Variants in ADARB2 observed in about 807,000 individuals in gnomAD.
ADARB2 encodes the protein adenosine deaminase RNA specific B2 (inactive).
ADARB2 carries 25 observed loss-of-function variants against 62.2 expected under a neutral mutation model. The observed-to-expected ratio is 0.40, with a 90% CI of 0.29 to 0.56. ADARB2 has a LOEUF of 0.56. Among genes scored for constraint, ADARB2 ranks in the 20% least tolerant of loss-of-function variants. The pLI is 0.43. For synonymous variants in ADARB2, 572 were observed against 500.8 expected, an observed-to-expected ratio of 1.14 and a Z score of -1.90; for missense variants, 1,071 against 1,077.4, an observed-to-expected ratio of 0.99 and a Z score of 0.08.
At chr10:1,556,478 C>T (rs1187174015) in intron 1 of ADARB2, 1 of 359,536 alleles carries the variant, frequency 2.8e-6, no homozygotes, top group African/African-American at 2.1e-5. Flanking sequence ...ATATTCCCTT[C>T]CCTCTTACTC....
chr10:1,552,645 G>T (rs550261781), intron 1 of ADARB2, among the ~76,000 whole-genome samples: 1 of 151,630 alleles, frequency 6.6e-6, no homozygotes, highest in South Asian at 2.1e-4. Flanking sequence ...CCGGCACTCA[G>T]CGAGGGGCTG....
In ADARB2 at chr10:1,729,667, G is replaced by A. The variant is rs769398757; in HGVS notation, c.100+7384C>T. Among the ~76,000 whole-genome samples the A allele has an allele frequency of 2.0e-5, 3 of 152,130 alleles. 1 individual carries two copies. The highest frequency in any genetic ancestry group is 1.5e-5 in the Non-Finnish European group (1 of 68,034). On this transcript the variant is annotated intron_variant, in intron 1 of 9. Transcript: ENST00000381312. ...TGTTTAATCATTATCAGCGCCCTAG[G>A]TATATGCTTTGAGCTCTCCTGCTAT...
chr10:1,459,752 A>C (rs2820637), intron 1 of ADARB2, among the ~76,000 whole-genome samples: 147,075 of 152,198 alleles, frequency 0.97, 71,250 homozygotes, highest in Non-Finnish European at 1. Context: ...CAAGATTGAA[A>C]CTCTGTCTCA....
At chr10:1,298,720 ATTTTTTT>A (rs75978268) in intron 3 of ADARB2, among the ~76,000 whole-genome samples, 2 of 110,764 alleles carry the variant, frequency 1.8e-5, no homozygotes, top group Non-Finnish European at 3.5e-5. Context: ...TGCGACGGGA[ATTTTTTT>A]TTTTTTTTTT....
intron 1 of ADARB2, among the ~76,000 whole-genome samples, chr10:1,664,584 C>T (rs570560718): frequency 6.6e-5 from 10 of 152,250 alleles, no homozygotes; most frequent in South Asian, 2.1e-4. Flanking sequence ...CTGTTTACGG[C>T]GAGCAGGCTG....
At chr10:1,344,676 G>A (rs1338982801) in intron 3 of ADARB2, among the ~76,000 whole-genome samples, 1 of 152,204 alleles carries the variant, frequency 6.6e-6, no homozygotes, top group Non-Finnish European at 1.5e-5. Context: ...TCAGCAACTG[G>A]TGCTAGGAGG....
At chr10:1,633,112 C>T (rs1363022569) in intron 1 of ADARB2, among the ~76,000 whole-genome samples, 1 of 151,726 alleles carries the variant, frequency 6.6e-6, no homozygotes, top group Non-Finnish European at 1.5e-5. Flanking sequence ...CCTGCTTCTC[C>T]TGCTTCTTCT....
At chr10:1,488,570 A>C (rs902062911) in intron 1 of ADARB2, among the ~76,000 whole-genome samples, 1 of 152,198 alleles carries the variant, frequency 6.6e-6, no homozygotes, top group Non-Finnish European at 1.5e-5. Context: ...GATATAGGCC[A>C]GGCTGCAGGA....
At position 1,466,593 on chromosome 10, in the gene ADARB2, G is replaced by A. The variant is rs539490639; in HGVS notation, c.101-87433C>T. Among the ~76,000 whole-genome samples, 25 of 152,292 alleles carry A rather than the reference G, an allele frequency of 1.6e-4. No homozygotes were observed. The South Asian group carries it at 2.7e-3, about 16-fold the overall frequency. On this transcript the variant is annotated intron_variant, in intron 1 of 9. Coordinates refer to ENST00000381312, the MANE Select transcript of ADARB2 (RefSeq NM_018702.4). ...CACAGCACAGGGTGGATTCAGGCCC[G>A]CCTCACCCTATGAGAGAGGAGGGGC...
intron 1 of ADARB2, among the ~76,000 whole-genome samples, chr10:1,538,434 A>G (rs1832362036): frequency 1.3e-5 from 2 of 152,202 alleles, no homozygotes; most frequent in African/African-American, 4.8e-5. Context: ...GGGATCCAGG[A>G]GTGAGACAGG....
chr10:1,242,541 C>T (rs1716393517), intron 4 of ADARB2, among the ~76,000 whole-genome samples: 2 of 152,216 alleles, frequency 1.3e-5, no homozygotes, highest in Non-Finnish European at 2.9e-5. Flanking sequence ...CTCTGCTATC[C>T]TTAAGGTTGC....
At chr10:1,323,319 AAAG>A (rs1425489592) in intron 3 of ADARB2, among the ~76,000 whole-genome samples, 8 of 152,138 alleles carry the variant, frequency 5.3e-5, no homozygotes, top group African/African-American at 1.9e-4. Context: ...CAAAAAAATC[AAAG>A]AAGACCTAAA....
intron 1 of ADARB2, among the ~76,000 whole-genome samples, chr10:1,574,768 A>C (rs1485589127): frequency 6.6e-6 from 1 of 152,190 alleles, no homozygotes; most frequent in Non-Finnish European, 1.5e-5. Context: ...AACCCAGTCA[A>C]CTGAGGTCCT....
chr10:1,357,913 C>T (rs539593396), intron 3 of ADARB2, among the ~76,000 whole-genome samples: 10 of 152,240 alleles, frequency 6.6e-5, no homozygotes, highest in African/African-American at 9.6e-5. Flanking sequence ...GTCTCTGAAA[C>T]GCTCACACAG....
intron 1 of ADARB2, among the ~76,000 whole-genome samples, chr10:1,543,980 G>T (rs1350276703): frequency 7.1e-6 from 1 of 140,316 alleles, no homozygotes; most frequent in Non-Finnish European, 1.5e-5. Context: ...CTTACTGAAA[G>T]CGAGAATGGC....
At chr10:1,514,292 T>G (rs1291835810) in intron 1 of ADARB2, among the ~76,000 whole-genome samples, 2 of 151,124 alleles carry the variant, frequency 1.3e-5, no homozygotes, top group Admixed American at 6.6e-5. Flanking sequence ...AGGACGGCTC[T>G]GACGCTTTGG....
At chr10:1,626,676 T>A (rs1405115566) in intron 1 of ADARB2, among the ~76,000 whole-genome samples, 2 of 152,140 alleles carry the variant, frequency 1.3e-5, no homozygotes, top group Admixed American at 1.3e-4. Flanking sequence ...AGAACGTGAA[T>A]GACTTGCCAG....
chr10:1,472,477 G>C (rs1831336884), intron 1 of ADARB2, among the ~76,000 whole-genome samples: 1 of 152,206 alleles, frequency 6.6e-6, no homozygotes, highest in Non-Finnish European at 1.5e-5. Flanking sequence ...GCTCTGGACC[G>C]TGGGGGTGTA....
At chr10:1,217,415 G>A (rs1176246479) in intron 6 of ADARB2, among the ~76,000 whole-genome samples, 1 of 152,220 alleles carries the variant, frequency 6.6e-6, no homozygotes, top group African/African-American at 2.4e-5. Context: ...GTGCAGCCAC[G>A]GCCTGGACCG....
Sources: gnomAD v4.1 joint callset for allele counts (sites outside exome capture counted in the v4.1 genomes callset) on GRCh38, gnomAD v4.1.1 for gene constraint, MANE v1.5 for transcripts, NCBI Gene and HGNC (gene_info 2026-07-23, HGNC 2026-07-21) for gene names.